Variants in PPP3CB observed in about 807,000 individuals in gnomAD.
The protein encoded by PPP3CB is serine/threonine-protein phosphatase 2B catalytic subunit beta isoform.
Under a neutral mutation model 66.4 loss-of-function variants are expected in PPP3CB, and 8 were observed. The observed-to-expected ratio is 0.12, with a 90% CI of 0.07 to 0.22. The LOEUF (loss-of-function observed/expected upper bound fraction) is 0.22, where lower values mean the gene tolerates loss of function less well. PPP3CB is among the 10% of genes least tolerant of loss of function. The pLI is 1.00. For synonymous variants in PPP3CB, 208 were observed against 221.2 expected (o/e 0.94, Z 0.53); for missense variants, 319 against 642.5 (o/e 0.50, Z 5.44).
At chr10:73,469,496 T>C (rs1322742546) in intron 8 of PPP3CB, among the ~76,000 whole-genome samples, 1 of 152,196 alleles carries the variant, frequency 6.6e-6, no homozygotes, top group Non-Finnish European at 1.5e-5. Context: ...CGGCCGAGAC[T>C]GCACCACTGC....
chr10:73,495,616 A>G (rs2057187674), intron 1 of PPP3CB, 189 bp downstream of exon 1: 2 of 792,798 alleles, frequency 2.5e-6, no homozygotes, highest in Non-Finnish European at 3.4e-6. Context: ...AGCAACCGGG[A>G]GACCGCGGAA....
chr10:73,484,479 G>A (rs1288714156), intron 1 of PPP3CB, among the ~76,000 whole-genome samples: 2 of 151,742 alleles, frequency 1.3e-5, no homozygotes, highest in African/African-American at 2.4e-5. Flanking sequence ...CACAGTGTTC[G>A]CCAGGATGGT....
At chr10:73,487,564 C>CAAAAAAAA (rs746889105) in intron 1 of PPP3CB, among the ~76,000 whole-genome samples, 9 of 65,176 alleles carry the variant, frequency 1.4e-4, no homozygotes, top group South Asian at 4.9e-4. Context: ...AAACCAAAAC[C>CAAAAAAAA]AAAAAAAAAA....
Position 73,471,518 on chromosome 10 carries a change from C to G in PPP3CB, c.619G>C (p.Val207Leu). The G allele has an allele frequency of 6.2e-7, 1 of 1,612,732 alleles. No homozygotes were observed. Among genetic ancestry groups the G allele is most frequent in the East Asian group, 2.2e-5 (1 of 44,774 alleles). The change falls in exon 5 of 14, where the codon GTT (valine) becomes CTT (leucine). Residue 207 changes from valine (V) to leucine (L), a missense_variant. Transcript: ENST00000360663. Reference sequence around the variant, plus strand: ...ATTTCTGGTGAAAGTCCACCATGAACACAAAGAAACTGTTGGTTTAAAAGT... The same window carrying G: ...ATTTCTGGTGAAAGTCCACCATGAAGACAAAGAAACTGTTGGTTTAAAAGT... Reference protein sequence around the residue: ...AALLNQQFLCVHGGLSPEIHT... With the variant: ...AALLNQQFLCLHGGLSPEIHT...
At chr10:73,479,213 A>G in intron 2 of PPP3CB, 104 bp downstream of exon 2, 2 of 1,040,912 alleles carry the variant, frequency 1.9e-6, no homozygotes, top group Non-Finnish European at 2.9e-6. Context: ...ATGTCCAAGT[A>G]ATATTGATTT....
At chr10:73,468,277 G>A (rs574647892) in intron 8 of PPP3CB, among the ~76,000 whole-genome samples, 1 of 152,112 alleles carries the variant, frequency 6.6e-6, no homozygotes, top group African/African-American at 2.4e-5. Context: ...CACCAAAAGA[G>A]AATATTATAA....
Position 73,472,389 on chromosome 10 carries a change from A to G in PPP3CB, c.524-776T>C, listed in dbSNP as rs7916203. Among the ~76,000 whole-genome samples the G allele has an allele frequency of 3.4e-4, 51 of 151,942 alleles. No individual in the cohort carries two copies. The South Asian group carries it at 6.9e-3, about 20-fold the overall frequency. On this transcript the variant is annotated intron_variant, in intron 4 of 13. Transcript: ENST00000360663. ...GTGCACCTGTAATCCCAGAGACTCA[A>G]TGGGTGAGGAACAAGAATCACTTGA... is the stretch of plus-strand genomic sequence containing the variant.
chr10:73,468,264 A>C (rs1215995167), intron 8 of PPP3CB, among the ~76,000 whole-genome samples: 1 of 152,172 alleles, frequency 6.6e-6, no homozygotes, highest in Non-Finnish European at 1.5e-5. Flanking sequence ...AATCCTACTA[A>C]AACACCAAAA....
chr10:73,452,072 A>T (rs1466005060), intron 10 of PPP3CB, among the ~76,000 whole-genome samples: 2 of 151,972 alleles, frequency 1.3e-5, no homozygotes, highest in South Asian at 2.1e-4. Flanking sequence ...AAAAAAAAAA[A>T]TTTAAAAAAC....
rs2056219905 is a variant in PPP3CB at position 73,444,789 on chromosome 10, G to C, written c.1302C>G (p.Gly434=). The C allele has an allele frequency of 1.9e-6, 3 of 1,613,546 alleles. No individual in the cohort carries two copies. The highest frequency in any genetic ancestry group is 2.5e-6 in the Non-Finnish European group (3 of 1,180,040). ...TAGGCAACATCCCTGTGGGAGTCAG[G>C]CCCTTGAGTGTCAGCACACTTTCAC... ...EESESVLTLK[G]LTPTGMLPSG... The change falls in exon 12 of 14, where the codon GGC becomes GGG. Residue 434 remains glycine (G), a synonymous_variant. Transcript: ENST00000360663.
intron 13 of PPP3CB, among the ~76,000 whole-genome samples, chr10:73,439,033 T>C (rs1461708464): frequency 2.0e-5 from 3 of 152,160 alleles, no homozygotes; most frequent in Admixed American, 2.0e-4. Flanking sequence ...GTATTTATAA[T>C]CTCGTAATTT....
intron 3 of PPP3CB, 38 bp from the exon 4 acceptor site, chr10:73,475,068 CT>C: frequency 6.3e-7 from 1 of 1,596,606 alleles, no homozygotes; most frequent in Non-Finnish European, 8.5e-7. Context: ...TTATCTTGTA[CT>C]TTTGTTTAAT....
chr10:73,490,943 C>T (rs2057062592), intron 1 of PPP3CB, among the ~76,000 whole-genome samples: 4 of 151,896 alleles, frequency 2.6e-5, no homozygotes, highest in Non-Finnish European at 5.9e-5. Flanking sequence ...AGTGATTCTC[C>T]TGCCTCAGCC....
At chr10:73,478,683 A>C in intron 2 of PPP3CB, 60 bp from the exon 3 acceptor site, 1 of 1,457,602 alleles carries the variant, frequency 6.9e-7, no homozygotes, top group Non-Finnish European at 9.5e-7. Context: ...AATTTTACTT[A>C]AGTTAAAACG....
At chr10:73,485,256 A>G (rs2056952944) in intron 1 of PPP3CB, among the ~76,000 whole-genome samples, 2 of 152,210 alleles carry the variant, frequency 1.3e-5, no homozygotes, top group Admixed American at 6.5e-5. Context: ...GGTGGCTAAA[A>G]AAACAAGGAC....
chr10:73,442,119 T>A (rs1455954833), intron 12 of PPP3CB, among the ~76,000 whole-genome samples: 1 of 152,134 alleles, frequency 6.6e-6, no homozygotes, highest in African/African-American at 2.4e-5. Flanking sequence ...GGAAAATAAT[T>A]TTGACCAAAT....
rs569690838 is a variant in PPP3CB, at chr10:73,484,693, T to C, written c.86-5176A>G. The stretch of plus-strand genomic sequence containing the variant: ...AGGGAAAAACCAGAAAACAAATGTA[T>C]ATAAATGCAATATAAATAGTCAACA... On this transcript the variant is annotated intron_variant, in intron 1 of 13. Transcript: ENST00000360663. Among the ~76,000 whole-genome samples, 24 of 152,268 alleles carry C rather than the reference T, an allele frequency of 1.6e-4. No homozygotes were observed. In the South Asian group the frequency reaches 5.0e-3, roughly 32 times the overall value.
chr10:73,467,466 T>C (rs2056635968), intron 9 of PPP3CB, 87 bp downstream of exon 9: 1 of 1,118,202 alleles, frequency 8.9e-7, no homozygotes. Context: ...GACTTTGGTT[T>C]CCTTTAGCAA....
At chr10:73,453,407 C>T (rs1035357778) in intron 10 of PPP3CB, among the ~76,000 whole-genome samples, 4 of 151,394 alleles carry the variant, frequency 2.6e-5, no homozygotes, top group East Asian at 1.9e-4. Flanking sequence ...ATTAAATTTT[C>T]GTGTGTGTGT....
Sources: allele counts gnomAD v4.1 joint callset (sites outside exome capture counted in the v4.1 genomes callset), GRCh38; gene constraint gnomAD v4.1.1; transcripts MANE v1.5; gene names NCBI Gene and HGNC (gene_info 2026-07-23, HGNC 2026-07-21).